PHF21A: variants seen among roughly 807,000 people sequenced by gnomAD.
The protein encoded by PHF21A is BHC80a.
In PHF21A, 11 loss-of-function variants were observed where a neutral mutation model predicts 82.5. The ratio of observed to expected loss-of-function variants is 0.13; its 90% CI spans 0.08 to 0.22. The LOEUF is 0.22. Among genes scored for constraint, PHF21A ranks in the 10% least tolerant of loss-of-function variants. PHF21A has a pLI of 1.00. For synonymous variants in PHF21A, 297 were observed against 302.8 expected (o/e 0.98, Z 0.20); for missense variants, 579 against 837.8 (o/e 0.69, Z 3.81).
intron 1 of PHF21A, among the ~76,000 whole-genome samples, chr11:46,102,810 A>AT (rs1324093070): frequency 2.4e-4 from 37 of 152,364 alleles, no homozygotes; most frequent in Middle Eastern, 6.8e-3. Flanking sequence ...AGTAGGGGGT[A>AT]TCCCCACAAA....
At chr11:45,957,634 G>A (rs2092734578) in intron 10 of PHF21A, among the ~76,000 whole-genome samples, 1 of 150,954 alleles carries the variant, frequency 6.6e-6, no homozygotes, top group South Asian at 2.1e-4. Flanking sequence ...TGCTGTGAAA[G>A]CAGTACTCAG....
chr11:46,073,977 G>A (rs1221758222), intron 6 of PHF21A, among the ~76,000 whole-genome samples: 1 of 152,128 alleles, frequency 6.6e-6, no homozygotes, highest in African/African-American at 2.4e-5. Context: ...CTCACTAAAG[G>A]CTGTATTTTC....
At chr11:46,090,633 C>G (rs1193432370) in intron 2 of PHF21A, 67 bp from the exon 3 acceptor site, 1 of 151,950 alleles carries the variant, frequency 6.6e-6, no homozygotes, top group Non-Finnish European at 1.5e-5. Flanking sequence ...ACCACAGAAG[C>G]CTTTTCCCAC....
intron 6 of PHF21A, among the ~76,000 whole-genome samples, chr11:46,014,079 C>T (rs1046753002): frequency 7.9e-5 from 12 of 152,226 alleles, no homozygotes; most frequent in African/African-American, 2.6e-4. Context: ...TTTCATAATG[C>T]TGAGGTTTGG....
At chr11:45,990,250 C>CTTTT (rs201187984) in intron 6 of PHF21A, among the ~76,000 whole-genome samples, 1 of 56,232 alleles carries the variant, frequency 1.8e-5, no homozygotes, top group Non-Finnish European at 4.8e-5. Context: ...TTTTCATCTT[C>CTTTT]TTTTTTTTTT....
chr11:46,006,947 T>C (rs1359674030), intron 6 of PHF21A, among the ~76,000 whole-genome samples: 1 of 152,224 alleles, frequency 6.6e-6, no homozygotes, highest in African/African-American at 2.4e-5. Flanking sequence ...AATTTAAAGA[T>C]AACAATAACA....
intron 6 of PHF21A, among the ~76,000 whole-genome samples, chr11:45,989,540 GCAC>G (rs1565427413): frequency 2.0e-5 from 3 of 149,404 alleles, no homozygotes; most frequent in African/African-American, 7.4e-5. Flanking sequence ...CTGATGTTGC[GCAC>G]CTGTAGTTCC....
At chr11:46,089,572 T>A (rs778243879) in intron 3 of PHF21A, among the ~76,000 whole-genome samples, 14 of 152,032 alleles carry the variant, frequency 9.2e-5, no homozygotes, top group Non-Finnish European at 1.6e-4. Context: ...TTGGCAACCC[T>A]GATTTTCGAG....
chr11:45,962,426 T>G (rs1480955874), intron 10 of PHF21A, among the ~76,000 whole-genome samples: 1 of 152,010 alleles, frequency 6.6e-6, no homozygotes, highest in African/African-American at 2.4e-5. Context: ...AAATGAAATA[T>G]AAATAGAAAA....
intron 6 of PHF21A, among the ~76,000 whole-genome samples, chr11:46,030,789 TTTC>T (rs1452263195): frequency 6.6e-6 from 1 of 151,592 alleles, no homozygotes; most frequent in African/African-American, 2.4e-5. Context: ...GTGACGATCA[TTTC>T]TTCTAAACCA....
At chr11:45,943,693 T>C (rs986417510) in intron 15 of PHF21A, among the ~76,000 whole-genome samples, 3 of 152,222 alleles carry the variant, frequency 2.0e-5, no homozygotes, top group Admixed American at 1.3e-4. Flanking sequence ...GTTGGGAAAC[T>C]GGATATTCAT....
chr11:45,986,516 A>T (rs941507234), intron 6 of PHF21A, among the ~76,000 whole-genome samples: 1 of 152,224 alleles, frequency 6.6e-6, no homozygotes, highest in African/African-American at 2.4e-5. Context: ...GTATAAACAC[A>T]TAAACTACAA....
intron 7 of PHF21A, among the ~76,000 whole-genome samples, chr11:45,977,416 C>T (rs1266914907): frequency 4.6e-5 from 7 of 152,090 alleles, no homozygotes; most frequent in African/African-American, 9.7e-5. Flanking sequence ...GGATTACAGG[C>T]GTGTGCCACT....
chr11:46,030,490 A>G (rs2095842587), intron 6 of PHF21A, among the ~76,000 whole-genome samples: 1 of 152,232 alleles, frequency 6.6e-6, no homozygotes, highest in Non-Finnish European at 1.5e-5. Flanking sequence ...AAAAGATCCA[A>G]AAAGAGACAA....
intron 1 of PHF21A, among the ~76,000 whole-genome samples, chr11:46,100,798 G>A (rs1045861249): frequency 6.6e-5 from 10 of 152,082 alleles, no homozygotes; most frequent in African/African-American, 1.9e-4. Flanking sequence ...TAATGAACAC[G>A]CCCCACAACT....
intron 6 of PHF21A, among the ~76,000 whole-genome samples, chr11:46,070,369 T>C (rs888107810): frequency 1.1e-4 from 16 of 152,106 alleles, no homozygotes; most frequent in Non-Finnish European, 2.1e-4. Flanking sequence ...CTCACTGTGT[T>C]GCCCAGGCTG....
chr11:46,015,895 C>CATCTATCT (rs35580116), intron 6 of PHF21A, among the ~76,000 whole-genome samples: 16,608 of 149,468 alleles, frequency 0.11, 1,083 homozygotes, highest in Non-Finnish European at 0.14. Context: ...GTTTTACAGT[C>CATCTATCT]ATCTATCTAT....
intron 7 of PHF21A, among the ~76,000 whole-genome samples, chr11:45,973,273 CTG>C (rs1167568248): frequency 6.6e-6 from 1 of 152,158 alleles, no homozygotes; most frequent in African/African-American, 2.4e-5. Flanking sequence ...AGTTCTATCA[CTG>C]TGCAATACCA....
At chr11:46,013,971 T>C (rs1030750280) in intron 6 of PHF21A, among the ~76,000 whole-genome samples, 1 of 152,204 alleles carries the variant, frequency 6.6e-6, no homozygotes, top group Non-Finnish European at 1.5e-5. Context: ...ACCGTATACT[T>C]AGGCTACGCT....
Sources: gnomAD v4.1 joint callset for allele counts (sites outside exome capture counted in the v4.1 genomes callset) on GRCh38, gnomAD v4.1.1 for gene constraint, MANE v1.5 for transcripts, NCBI Gene and HGNC (gene_info 2026-07-23, HGNC 2026-07-21) for gene names.